The following EFCAB6 variants were observed in gnomAD, a reference collection of about 807,000 sequenced individuals.
EFCAB6 encodes the protein EF-hand calcium binding domain 6, also known as EF-hand calcium-binding domain-containing protein 6.
A neutral mutation model predicts 169.8 loss-of-function variants in EFCAB6; 156 were observed. The ratio of observed to expected loss-of-function variants is 0.92; its 90% CI spans 0.81 to 1.05. The LOEUF (loss-of-function observed/expected upper bound fraction) is 1.05. EFCAB6 is among the 50% of genes least tolerant of loss of function. The pLI, the probability that EFCAB6 is intolerant of heterozygous loss-of-function variation, is 0.00. For synonymous variants in EFCAB6, 698 were observed against 676.4 expected (o/e 1.03, Z -0.50); for missense variants, 1,800 against 1,829.1 (o/e 0.98, Z 0.29).
At chr22:43,636,749 T>G (rs1039264976) in intron 17 of EFCAB6, among the ~76,000 whole-genome samples, 12 of 151,584 alleles carry the variant, frequency 7.9e-5, no homozygotes, top group Middle Eastern at 3.4e-3. Context: ...TAGCTGGGAC[T>G]ACAGGCACCT....
intron 2 of EFCAB6, among the ~76,000 whole-genome samples, chr22:43,785,509 A>G (rs959973521): frequency 1.3e-5 from 2 of 152,176 alleles, no homozygotes; most frequent in East Asian, 3.8e-4. Context: ...TGCAGCTAAA[A>G]CAGTGCTTAG....
chr22:43,634,334 A>C (rs2055214409), intron 18 of EFCAB6, among the ~76,000 whole-genome samples: 1 of 151,998 alleles, frequency 6.6e-6, no homozygotes, highest in African/African-American at 2.4e-5. Flanking sequence ...GGACCTCTCT[A>C]AGGGGTGGCA....
At chr22:43,566,083 G>T (rs1161227734) in intron 26 of EFCAB6, among the ~76,000 whole-genome samples, 1 of 152,140 alleles carries the variant, frequency 6.6e-6, no homozygotes, top group Non-Finnish European at 1.5e-5. Context: ...GAAGCTGCCT[G>T]CTACAGACCT....
At chr22:43,753,356 C>T (rs1233609191) in intron 6 of EFCAB6, among the ~76,000 whole-genome samples, 1 of 152,216 alleles carries the variant, frequency 6.6e-6, no homozygotes, top group Non-Finnish European at 1.5e-5. Context: ...TGCGCCAGGA[C>T]TTAGCGTGGC....
At chr22:43,685,884 T>G (rs551092522) in intron 11 of EFCAB6, among the ~76,000 whole-genome samples, 14 of 152,246 alleles carry the variant, frequency 9.2e-5, no homozygotes, top group Non-Finnish European at 1.9e-4. Context: ...GTGTCATTTT[T>G]GCCTATTTTT....
intron 2 of EFCAB6, chr22:43,802,622 A>G (rs147372676): frequency 4.2e-4 from 199 of 478,534 alleles, no homozygotes; most frequent in African/African-American, 3.7e-3. Flanking sequence ...GCCAGAGCCC[A>G]AGCCTAAAAG....
At chr22:43,717,055 T>A (rs2059355921) in intron 8 of EFCAB6, 83 bp from the exon 9 acceptor site, 1 of 1,379,474 alleles carries the variant, frequency 7.2e-7, no homozygotes, top group African/African-American at 1.5e-5. Context: ...TCATTACTTG[T>A]TTGGTAAAAA....
Position 43,548,862 on chromosome 22 carries a change from T to C in EFCAB6, c.3648+6007A>G, listed in dbSNP as rs116922367. Among the ~76,000 whole-genome samples, 103 of 152,276 alleles carry C rather than the reference T, an allele frequency of 6.8e-4. No individual in the cohort carries two copies. The East Asian group carries it at 0.018, about 26-fold the overall frequency. On this transcript the variant is annotated intron_variant, in intron 27 of 31. Transcript: ENST00000262726. ...GCTATGCATACTATCCATCCACAAA[T>C]GGAACATTTATTAAAAAAAGACCAC...
chr22:43,568,601 G>C (rs559484998), intron 26 of EFCAB6, among the ~76,000 whole-genome samples: 2 of 152,228 alleles, frequency 1.3e-5, no homozygotes, highest in Middle Eastern at 3.4e-3. Context: ...GAATGAGGCG[G>C]GAGTGCTCTG....
At chr22:43,784,507 A>G (rs1262028983) in intron 2 of EFCAB6, among the ~76,000 whole-genome samples, 2 of 109,920 alleles carry the variant, frequency 1.8e-5, no homozygotes, top group Non-Finnish European at 3.8e-5. Flanking sequence ...AAAAAAATAT[A>G]TATATGTGTG....
chr22:43,775,630 G>C (rs886084041), intron 3 of EFCAB6, among the ~76,000 whole-genome samples: 5 of 152,186 alleles, frequency 3.3e-5, no homozygotes, highest in Non-Finnish European at 7.3e-5. Context: ...TTTTAATACA[G>C]ACGGGGTTTC....
intron 4 of EFCAB6, among the ~76,000 whole-genome samples, chr22:43,766,137 G>C (rs1040440334): frequency 6.6e-6 from 1 of 152,152 alleles, no homozygotes; most frequent in Non-Finnish European, 1.5e-5. Flanking sequence ...CCCGGTTCAT[G>C]CAATTCTCCT....
At chr22:43,560,848 G>A (rs59190677) in intron 26 of EFCAB6, among the ~76,000 whole-genome samples, 29,406 of 152,068 alleles carry the variant, frequency 0.19, 3,052 homozygotes, top group Middle Eastern at 0.23. Context: ...CTGCAGCCAC[G>A]GTCCAGGTCA....
intron 17 of EFCAB6, among the ~76,000 whole-genome samples, chr22:43,652,818 GAA>G (rs61363072): frequency 4.1e-5 from 6 of 147,228 alleles, no homozygotes; most frequent in East Asian, 3.9e-4. Flanking sequence ...GGAAATACCA[GAA>G]AAAAAAAAGC....
rs1245112916 is a variant in EFCAB6, at chr22:43,795,511, C to T, written c.-7-13186G>A. The stretch of plus-strand genomic sequence containing the variant: ...TGGGTCCCTCGGCCCTGCTCCACCC[C>T]AGCCGATTCCTCTGCCTTGAGACCT... On this transcript the variant is annotated intron_variant, in intron 2 of 31. Coordinates refer to ENST00000262726, the MANE Select transcript of EFCAB6 (RefSeq NM_022785.4). The surrounding 1 kb of genome is among the most constrained non-coding windows in gnomAD (Gnocchi z 4.2). Among the ~76,000 whole-genome samples, 1 of 152,146 alleles carries T rather than the reference C, an allele frequency of 6.6e-6. No homozygotes were observed. The highest frequency in any genetic ancestry group is 6.5e-5 in the Admixed American group (1 of 15,278).
chr22:43,531,665 G>C (rs1658750175), intron 30 of EFCAB6, among the ~76,000 whole-genome samples: 1 of 152,178 alleles, frequency 6.6e-6, no homozygotes. Flanking sequence ...ACAGGGTTAA[G>C]CTGCTTTCAT....
chr22:43,550,269 G>A (rs2048306882), intron 27 of EFCAB6, among the ~76,000 whole-genome samples: 1 of 152,216 alleles, frequency 6.6e-6, no homozygotes, highest in Non-Finnish European at 1.5e-5. Context: ...ACAGCTGGAT[G>A]AGAGCAGAAG....
intron 17 of EFCAB6, among the ~76,000 whole-genome samples, chr22:43,666,698 T>TA (rs1569344848): frequency 2.2e-5 from 3 of 137,348 alleles, no homozygotes; most frequent in African/African-American, 8.9e-5. Context: ...ATTGTTTTTT[T>TA]TTTTTTTTTT....
At chr22:43,551,662 C>A (rs1376862373) in intron 27 of EFCAB6, among the ~76,000 whole-genome samples, 2 of 152,080 alleles carry the variant, frequency 1.3e-5, no homozygotes, top group Non-Finnish European at 2.9e-5. Context: ...TGGTCTCCCT[C>A]CTCCCCGACC....
Sources: allele counts gnomAD v4.1 joint callset (sites outside exome capture counted in the v4.1 genomes callset), GRCh38; gene constraint gnomAD v4.1.1; non-coding constraint Gnocchi (gnomAD v3.1); transcripts MANE v1.5; gene names NCBI Gene and HGNC (gene_info 2026-07-23, HGNC 2026-07-21).